Variants in GRHL1 observed in about 807,000 individuals in gnomAD.
GRHL1 encodes grainyhead-like protein 1 homolog.
GRHL1 carries 38 observed loss-of-function variants against 75.7 expected under a neutral mutation model. The observed-to-expected ratio is 0.50, with a 90% CI of 0.39 to 0.66. GRHL1 has a LOEUF of 0.66. Ranked by LOEUF, GRHL1 falls within the 30% of genes least tolerant of loss-of-function variation. The pLI is 0.00. For synonymous variants in GRHL1, 266 were observed against 279.4 expected (o/e 0.95, Z 0.48); for missense variants, 589 against 767.5 (o/e 0.77, Z 2.75).
chr2:9,971,518 T>C (rs1163114825), intron 8 of GRHL1, among the ~76,000 whole-genome samples: 1 of 152,234 alleles, frequency 6.6e-6, no homozygotes, highest in Non-Finnish European at 1.5e-5. Flanking sequence ...TGAGATGGAT[T>C]ATTCATGCAT....
At chr2:9,952,225 C>A (rs1371604897) in intron 1 of GRHL1, among the ~76,000 whole-genome samples, 1 of 152,108 alleles carries the variant, frequency 6.6e-6, no homozygotes, top group Admixed American at 6.5e-5. Flanking sequence ...TCCCCGCCCC[C>A]CTCTCCTGCC....
intron 5 of GRHL1, 85 bp downstream of exon 5, chr2:9,962,616 CTT>C: frequency 1.3e-6 from 1 of 776,572 alleles, no homozygotes; most frequent in East Asian, 2.6e-5. Context: ...TCAAAGGTGG[CTT>C]TAGCAGGCTT....
chr2:9,960,020 A>G (rs937576095), intron 3 of GRHL1: 1 of 152,216 alleles, frequency 6.6e-6, no homozygotes, highest in Non-Finnish European at 1.5e-5. Flanking sequence ...GGCTTTGAAA[A>G]TTCATTCATT....
At chr2:9,953,004 G>T (rs1235524888) in intron 1 of GRHL1, 2 of 456,620 alleles carry the variant, frequency 4.4e-6, no homozygotes, top group Non-Finnish European at 8.8e-6. Context: ...ATGAGCCTTC[G>T]GCGACTGAAG....
At chr2:9,984,542 A>C (rs1275828749) in intron 8 of GRHL1, among the ~76,000 whole-genome samples, 2 of 152,302 alleles carry the variant, frequency 1.3e-5, no homozygotes, top group Admixed American at 6.5e-5. Context: ...CCAATGTCAT[A>C]TTCATAATGT....
In GRHL1 at chr2:9,990,985, C is replaced by T. The variant is rs1448048923; in HGVS notation, c.1321+238C>T. Among the ~76,000 whole-genome samples, 1 of 152,122 alleles carries T rather than the reference C, an allele frequency of 6.6e-6. No homozygotes were observed. The highest frequency in any genetic ancestry group is 2.4e-5 in the African/African-American group (1 of 41,416). On this transcript the variant is annotated intron_variant, in intron 10 of 15. Coordinates refer to ENST00000324907, the MANE Select transcript of GRHL1 (RefSeq NM_198182.3). This position sits in a 1 kb window ranked among gnomAD's most constrained non-coding sequence, Gnocchi z 4.2. ...GATCCCTGGGTTTTCCCGACCTCAG[C>T]GTTTTTGGCTCTCAGTTCTAGTTCA...
chr2:9,979,020 T>G (rs1668076013), intron 8 of GRHL1, among the ~76,000 whole-genome samples: 1 of 150,158 alleles, frequency 6.7e-6, no homozygotes. Flanking sequence ...ATTAGCCAGA[T>G]GTAGTGGTGC....
At position 9,961,446 on chromosome 2, in the gene GRHL1, CAA is replaced by C; in HGVS notation, c.669+14_669+15del. ...GGAAGGCGTTCAGGAGGTAAGGAAA[CAA>C]AAACATCTTCCTAAGACGCCTGCGT... On this transcript the variant is annotated intron_variant, in intron 4 of 15. Coordinates refer to ENST00000324907, the MANE Select transcript of GRHL1 (RefSeq NM_198182.3). The C allele has an allele frequency of 6.3e-7, 1 of 1,589,764 alleles. No homozygotes were observed. Among genetic ancestry groups the C allele is most frequent in the Non-Finnish European group, 8.6e-7 (1 of 1,163,962 alleles).
intron 4 of GRHL1, 53 bp from the exon 5 acceptor site, chr2:9,962,402 A>C: frequency 1.0e-6 from 1 of 989,174 alleles, no homozygotes; most frequent in Non-Finnish European, 1.6e-6. Context: ...CTTGGTCTTT[A>C]GTAAGCATGA....
intron 15 of GRHL1, among the ~76,000 whole-genome samples, chr2:10,000,180 C>T (rs1229555154): frequency 6.6e-6 from 1 of 152,164 alleles, no homozygotes; most frequent in Non-Finnish European, 1.5e-5. Context: ...GAAATGGGAT[C>T]TTGCTATGTT....
chr2:9,986,239 C>T lies in GRHL1; in HGVS notation c.1226C>T (p.Pro409Leu), dbSNP rs570978442. The change falls in exon 9 of 16, where the codon CCT (proline) becomes CTT (leucine). Residue 409 changes from proline to leucine, a missense_variant. Physicochemically the swap from Pro to Leu is moderately conservative, Grantham distance 98. Around this residue, in one of 5 missense-constraint regions of GRHL1, gnomAD observed 30 missense variants for 40.3 expected, o/e 0.74. Transcript: ENST00000324907. ...TYSYNNRSNK[P>L]VHRAYCQIKV... Reference sequence around the variant, plus strand: ...AGTTACAACAACCGCAGCAACAAGCCTGTGCACCGGGCCTACTGCCAGATC... The same window carrying T: ...AGTTACAACAACCGCAGCAACAAGCTTGTGCACCGGGCCTACTGCCAGATC... The T allele has an allele frequency of 6.2e-7, 1 of 1,613,898 alleles. No individual in the cohort carries two copies. The highest frequency in any genetic ancestry group is 2.2e-5 in the East Asian group (1 of 44,844).
intron 11 of GRHL1, 43 bp from the exon 12 acceptor site, chr2:9,993,164 T>C: frequency 7.0e-7 from 1 of 1,424,894 alleles, no homozygotes; most frequent in Non-Finnish European, 9.9e-7. Flanking sequence ...GGCCAAACAT[T>C]TTGAGCATAC....
intron 2 of GRHL1, 31 bp downstream of exon 2, chr2:9,955,132 A>G (rs562172535): frequency 1.4e-6 from 2 of 1,442,760 alleles, no homozygotes; most frequent in South Asian, 1.2e-5. Context: ...AACCCTTAAC[A>G]GCAGTCTCCA....
At chr2:9,980,433 GAATT>G (rs764560406) in intron 8 of GRHL1, among the ~76,000 whole-genome samples, 29 of 149,530 alleles carry the variant, frequency 1.9e-4, no homozygotes, top group South Asian at 4.2e-4. Flanking sequence ...AAAAAAAAAA[GAATT>G]AAATATTTTG....
chr2:9,986,123 G>A lies in GRHL1; in HGVS notation c.1111-1G>A. 6.2e-7 allele frequency: 1 copy of A among 1,602,384 alleles called. No homozygotes were observed. Among genetic ancestry groups the A allele is most frequent in the Non-Finnish European group, 8.5e-7 (1 of 1,174,728 alleles). On this transcript the variant is annotated splice_acceptor_variant, in intron 8 of 15. Transcript: ENST00000324907. LOFTEE classifies it high-confidence loss of function. The stretch of plus-strand genomic sequence containing the variant: ...TATGGAACCTTCTCTTCCCTTGGCA[G>A]GTTTTCATCTCTGTGAACTGCTTAA...
At chr2:9,977,944 TCATGGCGGAAGGCGAAAGCCACGTCCTC>T (rs1668019082) in intron 8 of GRHL1, among the ~76,000 whole-genome samples, 1 of 152,112 alleles carries the variant, frequency 6.6e-6, no homozygotes, top group Non-Finnish European at 1.5e-5. Context: ...GGCCTCAAAA[TCATGGCGGAAGGCGAAAGCCACGTCCTC>T]CATGGCGGCC....
At chr2:9,998,049 AAC>A (rs1668950300) in intron 14 of GRHL1, among the ~76,000 whole-genome samples, 1 of 152,082 alleles carries the variant, frequency 6.6e-6, no homozygotes, top group Non-Finnish European at 1.5e-5. Context: ...TCTGGTCTGA[AAC>A]ACGTGTTTGG....
intron 3 of GRHL1, 183 bp downstream of exon 3, chr2:9,959,039 T>A (rs1667157324): frequency 4.4e-6 from 4 of 906,436 alleles, no homozygotes; most frequent in Middle Eastern, 2.4e-4. Context: ...TTTCCTTTTT[T>A]CTTTGGGCGT....
rs1179837658 is a variant in GRHL1, at chr2:9,990,846, G to T, written c.1321+99G>T. ...CCATTGAGAATGGTGGCTGGAGTTT[G>T]CACGCAGAAGACAGTGGGTGTTCTT... On this transcript the variant is annotated intron_variant, in intron 10 of 15. Transcript: ENST00000324907. The surrounding 1 kb of genome is among the most constrained non-coding windows in gnomAD (Gnocchi z 4.2). 2.2e-6 allele frequency: 2 copies of T among 896,388 alleles called. No homozygotes were observed. The highest frequency in any genetic ancestry group is 2.5e-5 in the East Asian group (1 of 39,906). 55.5% of individuals were successfully genotyped at this position (896,388 alleles called of 1,614,324 possible). A position where few individuals can be genotyped will look rare whatever the true frequency, so the allele number is the denominator to read the frequency against.
Sources: gnomAD v4.1 joint callset for allele counts (sites outside exome capture counted in the v4.1 genomes callset) on GRCh38, gnomAD v4.1.1 for gene constraint, gnomAD v4.1.1 regional missense constraint, Gnocchi (gnomAD v3.1) non-coding constraint, MANE v1.5 for transcripts, NCBI Gene and HGNC (gene_info 2026-07-23, HGNC 2026-07-21) for gene names.